Variants in AEBP2 observed in about 807,000 individuals in gnomAD.
The protein encoded by AEBP2 is AE binding protein 2.
Under a neutral mutation model 50.8 loss-of-function variants are expected in AEBP2, and 10 were observed. The observed-to-expected ratio is 0.20, with a 90% CI of 0.12 to 0.33. The LOEUF (loss-of-function observed/expected upper bound fraction) is 0.33. AEBP2 is among the 10% of genes least tolerant of loss of function. The probability of loss-of-function intolerance (pLI) is 1.00; values close to 1 mark genes in which losing one functional copy is unlikely to be tolerated. For missense variants in AEBP2, 570 were observed against 688.0 expected (o/e 0.83, Z 1.92); for synonymous variants, 296 against 261.3 (o/e 1.13, Z -1.28).
intron 3 of AEBP2, among the ~76,000 whole-genome samples, chr12:19,488,182 G>A (rs1948841083): frequency 6.7e-6 from 1 of 150,284 alleles, no homozygotes; most frequent in South Asian, 2.1e-4. Context: ...AGAGTGCAGT[G>A]GTATAGTCTC....
At chr12:19,430,448 C>T (rs369811554) in intron 1 of AEBP2, among the ~76,000 whole-genome samples, 16 of 152,178 alleles carry the variant, frequency 1.1e-4, no homozygotes, top group African/African-American at 2.9e-4. Flanking sequence ...AGGATTGACT[C>T]GGCAATGCAG....
intron 1 of AEBP2, among the ~76,000 whole-genome samples, chr12:19,409,230 A>G (rs566183152): frequency 6.6e-6 from 1 of 152,240 alleles, no homozygotes; most frequent in Admixed American, 6.5e-5. Context: ...TTGCCCTGAG[A>G]GGTGGCTGCA....
intron 2 of AEBP2, among the ~76,000 whole-genome samples, chr12:19,463,626 G>T (rs936795657): frequency 1.4e-5 from 2 of 147,612 alleles, no homozygotes. Flanking sequence ...ATCCAACCGG[G>T]TCAACGTTTC....
At chr12:19,489,995 T>TC (rs1948872581) in intron 3 of AEBP2, among the ~76,000 whole-genome samples, 1 of 134,154 alleles carries the variant, frequency 7.5e-6, no homozygotes, top group Non-Finnish European at 1.6e-5. Context: ...ATAAACTTTT[T>TC]TTTTTTTTTT....
intron 3 of AEBP2, among the ~76,000 whole-genome samples, chr12:19,492,542 T>C (rs1471182101): frequency 6.6e-6 from 1 of 151,826 alleles, no homozygotes; most frequent in Non-Finnish European, 1.5e-5. Flanking sequence ...TCTAATTGTT[T>C]AACAAATTAA....
At chr12:19,457,186 A>G (rs1039720430) in intron 1 of AEBP2, 81 of 1,597,684 alleles carry the variant, frequency 5.1e-5, no homozygotes, top group Non-Finnish European at 6.7e-5. Context: ...GTTAACACCG[A>G]CAATTAGTTG....
chr12:19,439,920 TG>T lies in AEBP2; in HGVS notation c.227del (p.Gly76AlafsTer65). 1 of 1,364,454 alleles carries T rather than the reference TG, an allele frequency of 7.3e-7. No homozygotes were observed. The allele number at this position is 1,364,454 out of a possible 1,614,324, so 84.5% of individuals were successfully genotyped here. Reference sequence around the variant, plus strand: ...GGCGGCGGAGGCGGCGGCGGAGGAGTGGGGGGCGGCGAGGCAGAGACGATGT... The same window carrying T: ...GGCGGCGGAGGCGGCGGCGGAGGAGTGGGGGCGGCGAGGCAGAGACGATGT... The part of the protein sequence containing the change: ...GGGGGGGGGG[V>X]GGGEAETMSE... On this transcript the variant is annotated frameshift_variant, in exon 1 of 8. Coordinates refer to ENST00000266508, the MANE Select transcript of AEBP2 (RefSeq NM_153207.5). LOFTEE classifies it high-confidence loss of function.
chr12:19,495,390 G>A (rs969758031), intron 4 of AEBP2, among the ~76,000 whole-genome samples: 4 of 152,156 alleles, frequency 2.6e-5, no homozygotes, highest in Non-Finnish European at 4.4e-5. Flanking sequence ...TCCAGACTAC[G>A]AAATTAGTCT....
intron 3 of AEBP2, among the ~76,000 whole-genome samples, chr12:19,491,310 T>G (rs913861059): frequency 5.3e-5 from 8 of 152,214 alleles, no homozygotes; most frequent in African/African-American, 1.9e-4. Flanking sequence ...CATGCCATTC[T>G]TAGGGTTGTT....
chr12:19,411,558 G>T (rs1038164154), intron 1 of AEBP2, among the ~76,000 whole-genome samples: 1 of 144,528 alleles, frequency 6.9e-6, no homozygotes, highest in South Asian at 2.1e-4. Context: ...CTGCTTCTTA[G>T]AGTTGGGAGG....
chr12:19,430,570 A>G (rs2095750893), intron 1 of AEBP2, among the ~76,000 whole-genome samples: 1 of 152,096 alleles, frequency 6.6e-6, no homozygotes, highest in East Asian at 1.9e-4. Context: ...CTAGGGGAGT[A>G]TGGCCAATTT....
chr12:19,517,012 C>T (rs998465009), intron 7 of AEBP2, among the ~76,000 whole-genome samples: 1 of 152,132 alleles, frequency 6.6e-6, no homozygotes, highest in East Asian at 1.9e-4. Flanking sequence ...AGCTACAGAG[C>T]AAGAGTCTGT....
At chr12:19,457,169 C>G in intron 1 of AEBP2, 2 of 1,597,696 alleles carry the variant, frequency 1.3e-6, no homozygotes, top group Non-Finnish European at 1.7e-6. Context: ...TCAGTGGAAT[C>G]CATTTTGTTA....
chr12:19,464,055 A>G (rs1348287738), intron 2 of AEBP2, among the ~76,000 whole-genome samples: 1 of 152,214 alleles, frequency 6.6e-6, no homozygotes. Flanking sequence ...TAAGTATAGC[A>G]ATTGTACATT....
chr12:19,418,207 T>G (rs2095743669), intron 1 of AEBP2, among the ~76,000 whole-genome samples: 1 of 148,444 alleles, frequency 6.7e-6, no homozygotes, highest in Non-Finnish European at 1.5e-5. Flanking sequence ...GACACCCCTT[T>G]CTATTGATTA....
chr12:19,456,132 T>G, intron 1 of AEBP2: 1 of 679,524 alleles, frequency 1.5e-6, no homozygotes, highest in Non-Finnish European at 2.4e-6. Flanking sequence ...TACAATGCAT[T>G]GTTGTAACCA....
At chr12:19,412,585 G>GTTATTA in intron 1 of AEBP2, among the ~76,000 whole-genome samples, 1 of 151,444 alleles carries the variant, frequency 6.6e-6, no homozygotes, top group Non-Finnish European at 1.5e-5. Context: ...GCCTCCGAAG[G>GTTATTA]TTATTATTAT....
At chr12:19,468,199 A>G (rs1381894570) in intron 2 of AEBP2, among the ~76,000 whole-genome samples, 2 of 149,084 alleles carry the variant, frequency 1.3e-5, no homozygotes, top group African/African-American at 4.9e-5. Context: ...TGTCCAAGCT[A>G]GTCTTACTAT....
At chr12:19,476,130 CTT>C (rs1244497504) in intron 3 of AEBP2, among the ~76,000 whole-genome samples, 1 of 152,178 alleles carries the variant, frequency 6.6e-6, no homozygotes, top group Non-Finnish European at 1.5e-5. Context: ...GTCATAAACT[CTT>C]TGCCTAAGCC....
Sources: allele counts gnomAD v4.1 joint callset (sites outside exome capture counted in the v4.1 genomes callset), GRCh38; gene constraint gnomAD v4.1.1; transcripts MANE v1.5; gene names NCBI Gene and HGNC (gene_info 2026-07-23, HGNC 2026-07-21).